RIMS1: variants seen among roughly 807,000 people sequenced by gnomAD.
RIMS1 encodes regulating synaptic membrane exocytosis 1.
RIMS1 carries 83 observed loss-of-function variants against 214.1 expected under a neutral mutation model. The ratio of observed to expected loss-of-function variants is 0.39; its 90% CI spans 0.32 to 0.47. RIMS1 has a LOEUF of 0.47. Among genes scored for constraint, RIMS1 ranks in the 20% least tolerant of loss-of-function variants. The pLI is 0.99. For synonymous variants in RIMS1, 793 were observed against 786.8 expected, an observed-to-expected ratio of 1.01 and a Z score of -0.13; for missense variants, 2,050 against 2,161.8, an observed-to-expected ratio of 0.95 and a Z score of 1.03.
chr6:72,190,691 A>T (rs1365752812), intron 6 of RIMS1, among the ~76,000 whole-genome samples: 1 of 152,066 alleles, frequency 6.6e-6, no homozygotes, highest in Admixed American at 6.6e-5. Context: ...GATGATGGGC[A>T]TTTGAGCCAC....
intron 2 of RIMS1, among the ~76,000 whole-genome samples, chr6:72,088,614 A>T (rs1473430556): frequency 6.6e-6 from 1 of 152,268 alleles, no homozygotes; most frequent in East Asian, 1.9e-4. Flanking sequence ...TGTTGCTCTC[A>T]TAGAAGCTCT....
chr6:72,041,024 A>G (rs951896608), intron 2 of RIMS1, among the ~76,000 whole-genome samples: 2 of 151,942 alleles, frequency 1.3e-5, no homozygotes, highest in Non-Finnish European at 2.9e-5. Context: ...TTGACCTTTA[A>G]TATTTGTTTT....
chr6:72,216,509 C>CT, intron 6 of RIMS1: 2 of 985,450 alleles, frequency 2.0e-6, no homozygotes, highest in Non-Finnish European at 2.4e-6. Flanking sequence ...TTGGTTTATG[C>CT]TTTCTGGTGC....
chr6:71,893,096 T>A (rs1205407600), intron 1 of RIMS1, among the ~76,000 whole-genome samples: 1 of 152,232 alleles, frequency 6.6e-6, no homozygotes, highest in Admixed American at 6.5e-5. Context: ...TATGCTTATT[T>A]GTTAAAACTG....
chr6:72,144,813 C>G (rs1000021605), intron 4 of RIMS1, among the ~76,000 whole-genome samples: 1 of 151,608 alleles, frequency 6.6e-6, no homozygotes, highest in African/African-American at 2.4e-5. Flanking sequence ...AAAATGCAGA[C>G]AAAAACTTAA....
chr6:72,376,455 C>G (rs1228331865), intron 29 of RIMS1, among the ~76,000 whole-genome samples: 2 of 152,058 alleles, frequency 1.3e-5, no homozygotes, highest in Non-Finnish European at 2.9e-5. Context: ...GAAAAAAACT[C>G]TATAAAAAAG....
chr6:72,160,536 T>C lies in RIMS1; in HGVS notation c.472-19039T>C, dbSNP rs1030469942. ...GCTGTGGGTTTGTCATAAATAGCTC[T>C]TATTATTTTGAGATGCATCCCATCA... On this transcript the variant is annotated intron_variant, in intron 4 of 33. Coordinates refer to ENST00000521978, the MANE Select transcript of RIMS1 (RefSeq NM_014989.7). Among the ~76,000 whole-genome samples the C allele has an allele frequency of 2.4e-3, 332 of 139,878 alleles. 26 individuals carry two copies. Among genetic ancestry groups the C allele is most frequent in the African/African-American group, 7.2e-3 (291 of 40,582 alleles). 91.8% of individuals were successfully genotyped at this position (139,878 alleles called of 152,430 possible).
chr6:72,060,165 C>T (rs1297199722), intron 2 of RIMS1, among the ~76,000 whole-genome samples: 1 of 151,898 alleles, frequency 6.6e-6, no homozygotes, highest in Admixed American at 6.6e-5. Context: ...GACAGGGTTT[C>T]TCCATGTTGG....
chr6:72,213,363 TAA>T (rs2054255632), intron 6 of RIMS1: 1 of 737,032 alleles, frequency 1.4e-6, no homozygotes, highest in Non-Finnish European at 2.0e-6. Context: ...CTTAATTGAA[TAA>T]AGTTTCCAGT....
intron 13 of RIMS1, 90 bp downstream of exon 13, chr6:72,250,550 T>C (rs1409180821): frequency 4.2e-6 from 4 of 942,470 alleles, no homozygotes; most frequent in Non-Finnish European, 6.2e-6. Flanking sequence ...TTAAAAAATA[T>C]AATAGATAAT....
chr6:72,344,889 C>T (rs187969648), intron 29 of RIMS1, among the ~76,000 whole-genome samples: 57 of 151,696 alleles, frequency 3.8e-4, no homozygotes, highest in Admixed American at 1.2e-3. Context: ...TTTAGGTTGG[C>T]TTGGCAGAAA....
At chr6:72,242,254 A>C in intron 9 of RIMS1, 60 bp from the exon 10 acceptor site, 1 of 1,287,680 alleles carries the variant, frequency 7.8e-7, no homozygotes, top group Non-Finnish European at 1.1e-6. Flanking sequence ...AAAAGAGAAA[A>C]GATACGAAAA....
chr6:72,140,088 C>T (rs894407698), intron 4 of RIMS1, among the ~76,000 whole-genome samples: 4 of 152,042 alleles, frequency 2.6e-5, no homozygotes, highest in African/African-American at 4.8e-5. Context: ...TTCTTGTGGA[C>T]GTCTGAGCTC....
chr6:71,938,857 C>T (rs1013316848), intron 1 of RIMS1, among the ~76,000 whole-genome samples: 6 of 152,188 alleles, frequency 3.9e-5, no homozygotes, highest in Admixed American at 1.3e-4. Context: ...ATCACACCCT[C>T]GGTTTGCTCT....
At chr6:72,155,414 A>G (rs1390800873) in intron 4 of RIMS1, among the ~76,000 whole-genome samples, 1 of 140,496 alleles carries the variant, frequency 7.1e-6, no homozygotes, top group East Asian at 2.0e-4. Flanking sequence ...CCTGTTACCC[A>G]GTTCCAAAGT....
chr6:71,897,765 G>A (rs904962746), intron 1 of RIMS1, among the ~76,000 whole-genome samples: 4 of 152,066 alleles, frequency 2.6e-5, no homozygotes, highest in Admixed American at 6.6e-5. Flanking sequence ...CCTCATATAA[G>A]CATATTGCCT....
At chr6:71,993,890 T>C (rs1459264552) in intron 2 of RIMS1, among the ~76,000 whole-genome samples, 1 of 152,224 alleles carries the variant, frequency 6.6e-6, no homozygotes, top group Non-Finnish European at 1.5e-5. Context: ...TTTATTTCTA[T>C]TAAATGGTCA....
At chr6:72,311,061 C>T (rs1456038398) in intron 27 of RIMS1, among the ~76,000 whole-genome samples, 1 of 152,100 alleles carries the variant, frequency 6.6e-6, no homozygotes, top group African/African-American at 2.4e-5. Flanking sequence ...TTTTCATATA[C>T]ATTCACATAC....
chr6:71,998,872 C>T (rs1427642476), intron 2 of RIMS1, among the ~76,000 whole-genome samples: 1 of 152,094 alleles, frequency 6.6e-6, no homozygotes, highest in African/African-American at 2.4e-5. Flanking sequence ...TTCCAATGAA[C>T]CTCTCATTCA....
Sources: gnomAD v4.1 joint callset for allele counts (sites outside exome capture counted in the v4.1 genomes callset) on GRCh38, gnomAD v4.1.1 for gene constraint, MANE v1.5 for transcripts, NCBI Gene and HGNC (gene_info 2026-07-23, HGNC 2026-07-21) for gene names.